RIMS1: variants seen among roughly 807,000 people sequenced by gnomAD.
RIMS1 encodes regulating synaptic membrane exocytosis 1, also known as regulating synaptic membrane exocytosis protein 1.
A neutral mutation model predicts 214.1 loss-of-function variants in RIMS1; 83 were observed. The observed-to-expected ratio is 0.39, with a 90% CI of 0.32 to 0.47. RIMS1 has a LOEUF of 0.47. Ranked by LOEUF, RIMS1 falls within the 20% of genes least tolerant of loss-of-function variation. The pLI is 0.99. For missense variants in RIMS1, 2,050 were observed against 2,161.8 expected (o/e 0.95, Z 1.03); for synonymous variants, 793 against 786.8 (o/e 1.01, Z -0.13).
chr6:72,337,030 T>G (rs113151644), intron 29 of RIMS1, among the ~76,000 whole-genome samples: 3,102 of 151,914 alleles, frequency 0.02, 72 homozygotes, highest in African/African-American at 0.056. Flanking sequence ...CCTCTTAGAT[T>G]TCTCTCTTAA....
intron 1 of RIMS1, among the ~76,000 whole-genome samples, chr6:71,925,877 C>T (rs1287812372): frequency 6.6e-6 from 1 of 152,170 alleles, no homozygotes; most frequent in Non-Finnish European, 1.5e-5. Flanking sequence ...GGTATTATCC[C>T]TGTGGATTTT....
At chr6:72,300,334 G>C (rs1198184748) in intron 26 of RIMS1, among the ~76,000 whole-genome samples, 1 of 151,782 alleles carries the variant, frequency 6.6e-6, no homozygotes, top group African/African-American at 2.4e-5. Flanking sequence ...TCTAACCATG[G>C]ACAGGCTCTT....
chr6:72,365,852 C>T (rs748330443), intron 29 of RIMS1: 1 of 152,176 alleles, frequency 6.6e-6, no homozygotes, highest in Non-Finnish European at 1.5e-5. Context: ...CTTCCATGAA[C>T]ATGATGTTAT....
chr6:72,396,145 T>TA (rs976629604), intron 31 of RIMS1, among the ~76,000 whole-genome samples: 1 of 151,656 alleles, frequency 6.6e-6, no homozygotes, highest in South Asian at 2.1e-4. Flanking sequence ...ATTGCTGTAA[T>TA]AAAAAAGAAA....
chr6:72,012,107 A>T (rs1301332110), intron 2 of RIMS1, among the ~76,000 whole-genome samples: 1 of 152,188 alleles, frequency 6.6e-6, no homozygotes, highest in African/African-American at 2.4e-5. Context: ...TAGACTGCAT[A>T]AAGAAAATGT....
chr6:72,031,083 A>ATG (rs1817979749), intron 2 of RIMS1, among the ~76,000 whole-genome samples: 1 of 152,174 alleles, frequency 6.6e-6, no homozygotes, highest in Non-Finnish European at 1.5e-5. Context: ...TTTTAACATT[A>ATG]TATCTTGTAA....
intron 1 of RIMS1, among the ~76,000 whole-genome samples, chr6:71,954,211 A>G (rs1790494004): frequency 6.6e-6 from 1 of 152,222 alleles, no homozygotes; most frequent in African/African-American, 2.4e-5. Flanking sequence ...TTTTGGTTCT[A>G]CAGAGAATGT....
intron 2 of RIMS1, among the ~76,000 whole-genome samples, chr6:71,984,598 A>T (rs1799368533): frequency 6.6e-6 from 1 of 152,138 alleles, no homozygotes; most frequent in Non-Finnish European, 1.5e-5. Context: ...TAATGCTCAA[A>T]CTGGTTGCCA....
intron 4 of RIMS1, among the ~76,000 whole-genome samples, chr6:72,163,979 G>GC (rs1252281176): frequency 6.6e-6 from 1 of 152,174 alleles, no homozygotes; most frequent in African/African-American, 2.4e-5. Context: ...GCTATGCCCT[G>GC]CCCCCAGAGG....
At chr6:71,932,703 T>C (rs1412066288) in intron 1 of RIMS1, among the ~76,000 whole-genome samples, 1 of 152,148 alleles carries the variant, frequency 6.6e-6, no homozygotes, top group African/African-American at 2.4e-5. Flanking sequence ...CTCTAACTCC[T>C]GGGCTTAAGC....
At chr6:72,345,615 T>A (rs2097237247) in intron 29 of RIMS1, among the ~76,000 whole-genome samples, 1 of 151,832 alleles carries the variant, frequency 6.6e-6, no homozygotes, top group Non-Finnish European at 1.5e-5. Flanking sequence ...TGATAGAGAT[T>A]TTTTAAACAA....
intron 11 of RIMS1, among the ~76,000 whole-genome samples, chr6:72,247,491 T>A (rs1272018917): frequency 1.4e-5 from 2 of 139,020 alleles, no homozygotes; most frequent in Non-Finnish European, 3.0e-5. Flanking sequence ...GCCAAGATCA[T>A]GCCATTGCAC....
At chr6:71,947,475 A>G (rs1304840616) in intron 1 of RIMS1, among the ~76,000 whole-genome samples, 1 of 152,154 alleles carries the variant, frequency 6.6e-6, no homozygotes, top group East Asian at 1.9e-4. Flanking sequence ...GCATGATTTC[A>G]CTTATATGTG....
chr6:71,990,446 T>G (rs1801257528), intron 2 of RIMS1, among the ~76,000 whole-genome samples: 1 of 152,206 alleles, frequency 6.6e-6, no homozygotes. Context: ...TAAAGATAAT[T>G]AAATAAATAC....
chr6:71,922,697 A>G (rs1562201893), intron 1 of RIMS1, among the ~76,000 whole-genome samples: 1 of 152,214 alleles, frequency 6.6e-6, no homozygotes, highest in Admixed American at 6.5e-5. Context: ...AGAGGAAGAG[A>G]AGAAAAAGGA....
chr6:72,231,035 C>T (rs1229787938), intron 6 of RIMS1, among the ~76,000 whole-genome samples: 3 of 151,566 alleles, frequency 2.0e-5, no homozygotes, highest in Non-Finnish European at 4.4e-5. Flanking sequence ...AGCTATGCCA[C>T]CTGGCAGCCA....
At chr6:72,263,991 C>T in intron 19 of RIMS1, 1 of 651,928 alleles carries the variant, frequency 1.5e-6, no homozygotes, top group Non-Finnish European at 1.9e-6. Flanking sequence ...GAGACTCTGT[C>T]TCAAAAAAGA....
intron 23 of RIMS1, among the ~76,000 whole-genome samples, chr6:72,277,860 G>A (rs1480626174): frequency 6.6e-6 from 1 of 152,042 alleles, no homozygotes; most frequent in African/African-American, 2.4e-5. Context: ...TTGAGTTGTA[G>A]CTTGAAATTA....
intron 26 of RIMS1, among the ~76,000 whole-genome samples, chr6:72,294,736 A>G (rs1343448511): frequency 1.3e-5 from 2 of 151,714 alleles, no homozygotes; most frequent in Admixed American, 1.3e-4. Flanking sequence ...TTGGAAACAC[A>G]TGTTTAATCA....
Sources: allele counts gnomAD v4.1 joint callset (sites outside exome capture counted in the v4.1 genomes callset), GRCh38; gene constraint gnomAD v4.1.1; transcripts MANE v1.5; gene names NCBI Gene and HGNC (gene_info 2026-07-23, HGNC 2026-07-21).